Variants in C5orf22 observed in about 807,000 individuals in gnomAD.
C5orf22 encodes the protein UPF0489 protein C5orf22.
A neutral mutation model predicts 48.7 loss-of-function variants in C5orf22; 36 were observed. The ratio of observed to expected loss-of-function variants is 0.74; its 90% CI spans 0.57 to 0.98. C5orf22 has a LOEUF of 0.98. Among genes scored for constraint, C5orf22 ranks in the 50% least tolerant of loss-of-function variants. The pLI is 0.00. For synonymous variants in C5orf22, 141 were observed against 180.8 expected (o/e 0.78, Z 1.76); for missense variants, 486 against 521.9 (o/e 0.93, Z 0.67).
intron 3 of C5orf22, among the ~76,000 whole-genome samples, chr5:31,536,628 A>T (rs992706716): frequency 6.6e-6 from 1 of 152,206 alleles, no homozygotes; most frequent in African/African-American, 2.4e-5. Flanking sequence ...GAATAAGTAG[A>T]TTTGGGGCTT....
chr5:31,552,149 A>G (rs1202753255), intron 8 of C5orf22, among the ~76,000 whole-genome samples: 1 of 152,206 alleles, frequency 6.6e-6, no homozygotes, highest in Non-Finnish European at 1.5e-5. Context: ...AGTGCAACTC[A>G]GGTTGCAGTT....
At chr5:31,545,291 C>G (rs1247392037) in intron 6 of C5orf22, among the ~76,000 whole-genome samples, 1 of 152,138 alleles carries the variant, frequency 6.6e-6, no homozygotes, top group Non-Finnish European at 1.5e-5. Context: ...CTCCTGACTT[C>G]AAGTGATCCG....
intron 7 of C5orf22, among the ~76,000 whole-genome samples, chr5:31,549,655 C>T (rs1743124855): frequency 6.6e-6 from 1 of 152,066 alleles, no homozygotes; most frequent in South Asian, 2.1e-4. Context: ...GCAGGTAAAT[C>T]GCTTGAGCCC....
At position 31,532,340 on chromosome 5, in the gene C5orf22, C is replaced by T; in HGVS notation, c.-53C>T. On this transcript the variant is annotated 5_prime_UTR_variant, in exon 1 of 9. Coordinates refer to ENST00000325366, the MANE Select transcript of C5orf22 (RefSeq NM_018356.3). ...GGCCGGGATGAGGCGCCGGCTTTCC[C>T]GGGTCTTCTCCAGCTGCCACCGCTT... The T allele has an allele frequency of 2.5e-6, 4 of 1,585,538 alleles. No homozygotes were observed. The highest frequency in any genetic ancestry group is 1.7e-4 in the Middle Eastern group (1 of 5,850).
At chr5:31,551,195 C>A in intron 7 of C5orf22, 98 bp from the exon 8 acceptor site, 1 of 1,140,984 alleles carries the variant, frequency 8.8e-7, no homozygotes, top group Non-Finnish European at 1.3e-6. Flanking sequence ...TTTTATGTAT[C>A]AATAAAAGTA....
intron 4 of C5orf22, 132 bp downstream of exon 4, chr5:31,538,821 AC>A: frequency 1.5e-6 from 1 of 673,882 alleles, no homozygotes; most frequent in East Asian, 2.7e-5. Context: ...CTCTACTAAT[AC>A]CCTTTTCTGT....
intron 2 of C5orf22, 119 bp downstream of exon 2, chr5:31,534,536 T>C (rs1741960793): frequency 1.1e-6 from 1 of 874,510 alleles, no homozygotes; most frequent in African/African-American, 1.7e-5. Flanking sequence ...TTTGTTTGTC[T>C]TTTTGTCTTT....
At chr5:31,534,567 T>C (rs981920725) in intron 2 of C5orf22, 150 bp downstream of exon 2, 1 of 698,360 alleles carries the variant, frequency 1.4e-6, no homozygotes. Flanking sequence ...TTAGAACAAG[T>C]GTTGACAACT....
At chr5:31,533,509 G>T (rs754448055) in intron 1 of C5orf22, among the ~76,000 whole-genome samples, 10 of 152,290 alleles carry the variant, frequency 6.6e-5, no homozygotes, top group Non-Finnish European at 1.2e-4. Context: ...CAGCTAATAG[G>T]AGAGGAAGAT....
At chr5:31,534,477 A>G in intron 2 of C5orf22, 60 bp downstream of exon 2, 1 of 1,444,476 alleles carries the variant, frequency 6.9e-7, no homozygotes, top group East Asian at 2.3e-5. Flanking sequence ...AGTAGATAAT[A>G]AGCAATTATA....
Position 31,553,161 on chromosome 5 carries a change from T to G in C5orf22, c.*259T>G, listed in dbSNP as rs11748072. ...GTATTTTTTAGGGTTTTGTTTTTTTTTTTGTTTGTTTGTTTGTTTGTCTTC... is the reference window on the plus strand; with the variant it reads ...GTATTTTTTAGGGTTTTGTTTTTTTGTTTGTTTGTTTGTTTGTTTGTCTTC... On this transcript the variant is annotated 3_prime_UTR_variant, in exon 9 of 9. Coordinates refer to ENST00000325366, the MANE Select transcript of C5orf22 (RefSeq NM_018356.3). 82,553 of 248,966 alleles carry G rather than the reference T, an allele frequency of 0.33. 14,423 individuals are homozygous for G. Among genetic ancestry groups the G allele is most frequent in the South Asian group, 0.37 (5,456 of 14,712 alleles). 15.4% of individuals were successfully genotyped at this position (248,966 alleles called of 1,614,324 possible).
chr5:31,544,555 G>T (rs1328301959), intron 6 of C5orf22, among the ~76,000 whole-genome samples: 1 of 151,728 alleles, frequency 6.6e-6, no homozygotes, highest in Non-Finnish European at 1.5e-5. Context: ...CTGCACTCCA[G>T]CCTGGGCAAC....
chr5:31,545,313 C>T (rs1399125335), intron 6 of C5orf22, among the ~76,000 whole-genome samples: 2 of 152,184 alleles, frequency 1.3e-5, no homozygotes, highest in Non-Finnish European at 2.9e-5. Context: ...CCGCCTCGGC[C>T]TCCCAAAGTG....
chr5:31,541,795 A>G (rs1742485788), intron 6 of C5orf22, among the ~76,000 whole-genome samples: 3 of 152,168 alleles, frequency 2.0e-5, no homozygotes, highest in African/African-American at 7.2e-5. Context: ...AAGAATTAGT[A>G]TTAAATTTCA....
At chr5:31,533,294 TGCATAGATAAACACTAAAAGGG>T in intron 1 of C5orf22, among the ~76,000 whole-genome samples, 1 of 151,968 alleles carries the variant, frequency 6.6e-6, no homozygotes, top group East Asian at 1.9e-4. Flanking sequence ...CACGGTGCCC[TGCATAGATAAACACTAAAAGGG>T]GTTTCCATGT....
chr5:31,537,964 A>G (rs1405143943), intron 3 of C5orf22, among the ~76,000 whole-genome samples: 1 of 152,192 alleles, frequency 6.6e-6, no homozygotes, highest in African/African-American at 2.4e-5. Context: ...TCAGCAGGGA[A>G]CAGGAGAACA....
chr5:31,534,205 G>C lies in C5orf22; in HGVS notation c.82-67G>C. The stretch of plus-strand genomic sequence containing the variant: ...GTGCATTATTTAGCATTGTTTTTCA[G>C]TCTGCAGTTGAGTGTGTGCTCATGG... On this transcript the variant is annotated intron_variant, in intron 1 of 8. Coordinates refer to ENST00000325366, the MANE Select transcript of C5orf22 (RefSeq NM_018356.3). 6 of 1,306,474 alleles carry C rather than the reference G, an allele frequency of 4.6e-6. No homozygotes were observed. The South Asian group carries it at 8.1e-5, about 18-fold the overall frequency. The allele number at this position is 1,306,474 out of a possible 1,614,324, so 80.9% of individuals were successfully genotyped here.
chr5:31,543,426 C>T (rs1742593985), intron 6 of C5orf22, among the ~76,000 whole-genome samples: 2 of 151,986 alleles, frequency 1.3e-5, no homozygotes, highest in Admixed American at 1.3e-4. Context: ...AAAAATTAGC[C>T]AGGCATGGTG....
chr5:31,551,238 G>A lies in C5orf22; in HGVS notation c.1060-55G>A, dbSNP rs1743239239. On this transcript the variant is annotated intron_variant, in intron 7 of 8. Transcript: ENST00000325366. ...GTCAATAAGGCCATTAATGATTAAA[G>A]AAGCTTATAAAAACAACTGTCATAC... The A allele has an allele frequency of 3.2e-6, 5 of 1,560,256 alleles. No individual in the cohort carries two copies. In the South Asian group the frequency reaches 4.7e-5, roughly 15 times the overall value.
Sources: gnomAD v4.1 joint callset for allele counts (sites outside exome capture counted in the v4.1 genomes callset) on GRCh38, gnomAD v4.1.1 for gene constraint, MANE v1.5 for transcripts, NCBI Gene and HGNC (gene_info 2026-07-23, HGNC 2026-07-21) for gene names.